Variants in ZBTB21 observed in about 807,000 individuals in gnomAD.
The protein encoded by ZBTB21 is zinc finger and BTB domain-containing protein 21.
Under a neutral mutation model 39.8 loss-of-function variants are expected in ZBTB21, and 10 were observed. That is an observed-to-expected ratio of 0.25 (90% confidence interval 0.16 to 0.43). ZBTB21 has a LOEUF of 0.43. Among genes scored for constraint, ZBTB21 ranks in the 20% least tolerant of loss-of-function variants. The probability of loss-of-function intolerance (pLI) is 1.00; values close to 1 mark genes in which losing one functional copy is unlikely to be tolerated. For missense variants in ZBTB21, 1,221 were observed against 1,296.3 expected, an observed-to-expected ratio of 0.94 and a Z score of 0.89; for synonymous variants, 551 against 498.8, an observed-to-expected ratio of 1.10 and a Z score of -1.40.
At chr21:42,008,622 CCTT>C (rs895431260) in intron 1 of ZBTB21, among the ~76,000 whole-genome samples, 3 of 150,182 alleles carry the variant, frequency 2.0e-5, no homozygotes, top group Non-Finnish European at 3.0e-5. Flanking sequence ...CATCGAGAGA[CCTT>C]CTTAACTTAA....
In ZBTB21 at chr21:41,992,138, T is replaced by C; in HGVS notation, c.1958A>G (p.Gln653Arg). 2 of 1,614,174 alleles carry C rather than the reference T, an allele frequency of 1.2e-6. No individual in the cohort carries two copies. The highest frequency in any genetic ancestry group is 1.3e-5 in the African/African-American group (1 of 75,034). The change falls in exon 3 of 3, where the codon CAA (glutamine) becomes CGA (arginine). Residue 653 changes from glutamine (Q) to arginine (R), a missense_variant. Around this residue, in one of 4 missense-constraint regions of ZBTB21, gnomAD observed 523 missense variants for 542.5 expected, o/e 0.96. Coordinates refer to ENST00000310826, the MANE Select transcript of ZBTB21 (RefSeq NM_001098402.2). This position sits in a 1 kb window ranked among gnomAD's most constrained non-coding sequence, Gnocchi z 4.1. ...KPGFQGQSSSQAQQVIKRNLR... is the reference protein window; with the variant it reads ...KPGFQGQSSSRAQQVIKRNLR... The stretch of plus-strand genomic sequence containing the variant: ...GTTCCTCTTGATGACTTGCTGTGCT[T>C]GGGAGCTACTCTGTCCCTGAAAACC...
chr21:41,986,971 T>C lies in ZBTB21; in HGVS notation c.*3924A>G, dbSNP rs1359878571. 6.6e-6 allele frequency: 1 copy of C among 152,660 alleles called. No individual in the cohort carries two copies. The highest frequency in any genetic ancestry group is 1.5e-5 in the Non-Finnish European group (1 of 68,030). 9.5% of individuals were successfully genotyped at this position (152,660 alleles called of 1,614,324 possible). ...ATCCTATTTTACCATGAATTTTCAG[T>C]TCGAAAAAGCTTATTCCTAAGTAAA... On this transcript the variant is annotated 3_prime_UTR_variant, in exon 3 of 3. Coordinates refer to ENST00000310826, the MANE Select transcript of ZBTB21 (RefSeq NM_001098402.2).
rs2065825045 is a variant in ZBTB21 at position 42,002,124 on chromosome 21, GTA to G, written c.-14+771_-14+772del. Among the ~76,000 whole-genome samples, 13 of 152,292 alleles carry G rather than the reference GTA, an allele frequency of 8.5e-5. 1 individual carries two copies. The South Asian group carries it at 2.7e-3, about 32-fold the overall frequency. On this transcript the variant is annotated intron_variant, in intron 2 of 2. Transcript: ENST00000310826. ...AAAGCAACATTGTCCATTCTCCCCA[GTA>G]CCCCAGGATCTAGAGACTCTAGATG...
At chr21:41,997,323 C>T (rs190108520) in intron 2 of ZBTB21, among the ~76,000 whole-genome samples, 46 of 152,246 alleles carry the variant, frequency 3.0e-4, no homozygotes, top group Non-Finnish European at 5.3e-4. Context: ...CGCTTGTAAT[C>T]CCAGCACTTT....
At chr21:41,995,173 C>T (rs1006624210) in intron 2 of ZBTB21, among the ~76,000 whole-genome samples, 7 of 152,246 alleles carry the variant, frequency 4.6e-5, no homozygotes, top group South Asian at 2.1e-4. Context: ...AATGTGGAAG[C>T]GACTTTGGAA....
Position 41,991,939 on chromosome 21 carries a change from CTTG to C in ZBTB21, c.2154_2156del (p.Asn718del). Reference sequence around the variant, plus strand: ...TACAGAGGCGGCACTGGTAAACCTCCTTGTTTTCTACTGGACTTGCAAGAGGAG... The same window carrying C: ...TACAGAGGCGGCACTGGTAAACCTCCTTTTCTACTGGACTTGCAAGAGGAG... On this transcript the variant is annotated inframe_deletion, in exon 3 of 3. Transcript: ENST00000310826. The surrounding 1 kb of genome is among the most constrained non-coding windows in gnomAD (Gnocchi z 4.9). 6.2e-7 allele frequency: 1 copy of C among 1,614,060 alleles called. No individual in the cohort carries two copies. Among genetic ancestry groups the C allele is most frequent in the East Asian group, 2.2e-5 (1 of 44,872 alleles).
chr21:42,004,498 G>A (rs538661661), intron 1 of ZBTB21, among the ~76,000 whole-genome samples: 1 of 151,860 alleles, frequency 6.6e-6, no homozygotes, highest in Non-Finnish European at 1.5e-5. Context: ...CAGGGGGTGA[G>A]TGAGGGGGTG....
intron 1 of ZBTB21, among the ~76,000 whole-genome samples, chr21:42,003,655 T>C (rs553493119): frequency 1.3e-5 from 2 of 152,348 alleles, no homozygotes; most frequent in Non-Finnish European, 2.9e-5. Flanking sequence ...CATTTTGGAC[T>C]TTTGGATTAG....
intron 2 of ZBTB21, among the ~76,000 whole-genome samples, chr21:41,999,625 A>T (rs867508314): frequency 6.6e-6 from 1 of 152,224 alleles, no homozygotes; most frequent in South Asian, 2.1e-4. Context: ...ACTGTACAGG[A>T]ACCTACACTA....
In ZBTB21 at chr21:42,010,260, A is replaced by G. The variant is rs570969723; in HGVS notation, c.-87T>C. The G allele has an allele frequency of 1.3e-5, 5 of 398,370 alleles. No individual in the cohort carries two copies. Among genetic ancestry groups the G allele is most frequent in the Admixed American group, 4.4e-5 (1 of 22,738 alleles). 24.7% of individuals were successfully genotyped at this position (398,370 alleles called of 1,614,324 possible). A position where few individuals can be genotyped will look rare whatever the true frequency, so the allele number is the denominator to read the frequency against. ...GCGTGACAGTTACTCACCGGTCTTC[A>G]GTCTCGAGGCAGACGCCGGGCCCCT... is the stretch of plus-strand genomic sequence containing the variant. On this transcript the variant is annotated 5_prime_UTR_variant, in exon 1 of 3. It removes the in-frame stop codon of an upstream open reading frame in the 5' UTR. Transcript: ENST00000310826.
At chr21:42,008,857 T>G (rs1441110617) in intron 1 of ZBTB21, among the ~76,000 whole-genome samples, 3 of 152,172 alleles carry the variant, frequency 2.0e-5, no homozygotes, top group Admixed American at 6.5e-5. Flanking sequence ...ACATCAATAT[T>G]TAGGGGTGCT....
At position 42,003,565 on chromosome 21, in the gene ZBTB21, A is replaced by C. The variant is rs181263790; in HGVS notation, c.-78-604T>G. ...ATCACTCCTTTGACAATTATAATACAAGCTGAATATCTCTAGTCCAAAAAC... is the reference window on the plus strand; with the variant it reads ...ATCACTCCTTTGACAATTATAATACCAGCTGAATATCTCTAGTCCAAAAAC... On this transcript the variant is annotated intron_variant, in intron 1 of 2. Coordinates refer to ENST00000310826, the MANE Select transcript of ZBTB21 (RefSeq NM_001098402.2). Among the ~76,000 whole-genome samples, 26 of 152,290 alleles carry C rather than the reference A, an allele frequency of 1.7e-4. No individual in the cohort carries two copies. In the East Asian group the frequency reaches 5.0e-3, roughly 29 times the overall value.
At chr21:42,005,092 T>G (rs913407884) in intron 1 of ZBTB21, among the ~76,000 whole-genome samples, 2 of 152,230 alleles carry the variant, frequency 1.3e-5, no homozygotes, top group Non-Finnish European at 2.9e-5. Context: ...TGGTTGTTCT[T>G]GGCCACATTC....
rs888125661 is a variant in ZBTB21 at position 42,006,818 on chromosome 21, G to A, written c.-79+3434C>T. ...TGACCCCTAAACTGATGTAACTGGT[G>A]TTCTTACAGGAGAGGAAGATTAGCA... is the stretch of plus-strand genomic sequence containing the variant. On this transcript the variant is annotated intron_variant, in intron 1 of 2. Coordinates refer to ENST00000310826, the MANE Select transcript of ZBTB21 (RefSeq NM_001098402.2). Among the ~76,000 whole-genome samples the A allele has an allele frequency of 2.0e-5, 3 of 152,214 alleles. No individual in the cohort carries two copies. The South Asian group carries it at 6.2e-4, about 32-fold the overall frequency.
intron 2 of ZBTB21, chr21:42,002,423 G>A (rs557874495): frequency 2.6e-5 from 4 of 152,252 alleles, no homozygotes; most frequent in South Asian, 4.1e-4. Context: ...TGACGATCAC[G>A]AGATAATCCA....
Position 41,992,150 on chromosome 21 carries a change from T to C in ZBTB21, c.1946A>G (p.Gln649Arg). ...GACTTGCTGTGCTTGGGAGCTACTCTGTCCCTGAAAACCAGGCTTGCCGCG... is the reference window on the plus strand; with the variant it reads ...GACTTGCTGTGCTTGGGAGCTACTCCGTCCCTGAAAACCAGGCTTGCCGCG... Reference protein sequence around the residue: ...LRRGKPGFQGQSSSQAQQVIK... With the variant: ...LRRGKPGFQGRSSSQAQQVIK... The change falls in exon 3 of 3, where the codon CAG becomes CGG. Residue 649 changes from glutamine to arginine, a missense_variant. Coordinates refer to ENST00000310826, the MANE Select transcript of ZBTB21 (RefSeq NM_001098402.2). This position sits in a 1 kb window ranked among gnomAD's most constrained non-coding sequence, Gnocchi z 4.1. 6.2e-7 allele frequency: 1 copy of C among 1,614,234 alleles called. No homozygotes were observed. Among genetic ancestry groups the C allele is most frequent in the African/African-American group, 1.3e-5 (1 of 75,060 alleles).
rs569580860 is a variant in ZBTB21 at position 42,004,508 on chromosome 21, G to A, written c.-78-1547C>T. ...GGTACCAGGGGGTGAGTGAGGGGGT[G>A]AGAAACAGAGATGGAAAGGGATCAA... On this transcript the variant is annotated intron_variant, in intron 1 of 2. Coordinates refer to ENST00000310826, the MANE Select transcript of ZBTB21 (RefSeq NM_001098402.2). Among the ~76,000 whole-genome samples, 5 of 152,232 alleles carry A rather than the reference G, an allele frequency of 3.3e-5. No individual in the cohort carries two copies. In the South Asian group the frequency reaches 1.0e-3, roughly 32 times the overall value.
intron 2 of ZBTB21, among the ~76,000 whole-genome samples, chr21:41,996,050 C>G (rs1026354018): frequency 2.0e-5 from 3 of 152,238 alleles, no homozygotes; most frequent in African/African-American, 4.8e-5. Context: ...GCTGTGTCCC[C>G]TCCATGAGGG....
At chr21:42,009,868 G>A (rs573456729) in intron 1 of ZBTB21, among the ~76,000 whole-genome samples, 1 of 152,268 alleles carries the variant, frequency 6.6e-6, no homozygotes, top group East Asian at 1.9e-4. Flanking sequence ...CCTTCTCCAC[G>A]AGGCGTTTCA....
Sources: gnomAD v4.1 joint callset for allele counts (sites outside exome capture counted in the v4.1 genomes callset) on GRCh38, gnomAD v4.1.1 for gene constraint, gnomAD v4.1.1 regional missense constraint, Gnocchi (gnomAD v3.1) non-coding constraint, MANE v1.5 for transcripts, NCBI Gene and HGNC (gene_info 2026-07-23, HGNC 2026-07-21) for gene names.